AOAH: variants seen among roughly 807,000 people sequenced by gnomAD.
The protein encoded by AOAH is acyloxyacyl hydrolase.
In AOAH, 64 loss-of-function variants were observed where a neutral mutation model predicts 92.2. The observed-to-expected ratio is 0.69, with a 90% confidence interval of 0.57 to 0.86. The LOEUF is 0.86. AOAH is among the 40% of genes least tolerant of loss of function. The pLI is 0.00. For missense variants in AOAH, 656 were observed against 694.6 expected (o/e 0.94, Z 0.62); for synonymous variants, 263 against 254.5 (o/e 1.03, Z -0.32).
intron 11 of AOAH, among the ~76,000 whole-genome samples, chr7:36,608,957 T>TAACA (rs375602487): frequency 1.6e-3 from 249 of 151,560 alleles, no homozygotes; most frequent in African/African-American, 5.8e-3. Flanking sequence ...AGAAGTTTCC[T>TAACA]AACAGGGATG....
At position 36,556,594 on chromosome 7, in the gene AOAH, T is replaced by C. The variant is rs866324411; in HGVS notation, c.1022-7119A>G. 3.8e-3 allele frequency among the ~76,000 whole-genome samples: 565 copies of C among 149,144 alleles called. 5 individuals carry two copies. The highest frequency in any genetic ancestry group is 0.028 in the Middle Eastern group (8 of 286). On this transcript the variant is annotated intron_variant, in intron 13 of 20. Coordinates refer to ENST00000617537, the MANE Select transcript of AOAH (RefSeq NM_001637.4). ...ATGTTGACAGTGGGGTGTTAAAGTC[T>C]CCCATTATTATTGTGTGGGAGTCTA...
intron 11 of AOAH, among the ~76,000 whole-genome samples, chr7:36,599,038 G>A (rs1288653382): frequency 1.3e-5 from 2 of 152,164 alleles, no homozygotes; most frequent in East Asian, 3.9e-4. Context: ...CCTAGTGAGT[G>A]TTAGATCACT....
chr7:36,648,833 G>C (rs1794401393), intron 4 of AOAH, among the ~76,000 whole-genome samples: 1 of 151,952 alleles, frequency 6.6e-6, no homozygotes, highest in South Asian at 2.1e-4. Context: ...GATATATTTT[G>C]CTCCATTTTA....
chr7:36,606,863 G>T (rs913236501), intron 11 of AOAH, among the ~76,000 whole-genome samples: 3 of 152,156 alleles, frequency 2.0e-5, no homozygotes, highest in African/African-American at 7.2e-5. Flanking sequence ...TGAGAAGGTC[G>T]ATTTGAACCT....
intron 6 of AOAH, among the ~76,000 whole-genome samples, chr7:36,624,953 CT>C (rs1792539461): frequency 6.6e-6 from 1 of 152,158 alleles, no homozygotes; most frequent in South Asian, 2.1e-4. Context: ...CTTTTTAGCA[CT>C]TTTTAAACTG....
intron 13 of AOAH, among the ~76,000 whole-genome samples, chr7:36,552,459 G>T (rs1041209145): frequency 1.3e-5 from 2 of 152,136 alleles, no homozygotes; most frequent in African/African-American, 4.8e-5. Context: ...GTGCTGCAAT[G>T]AACATACACA....
intron 13 of AOAH, among the ~76,000 whole-genome samples, chr7:36,563,006 G>T (rs540154465): frequency 1.1e-4 from 17 of 151,848 alleles, no homozygotes; most frequent in South Asian, 4.2e-4. Flanking sequence ...AATTAGCCAG[G>T]CGTGGTGGCA....
chr7:36,633,941 ACAAATCTGCCTCCAGACATTGC>A (rs748714633), intron 5 of AOAH, among the ~76,000 whole-genome samples: 4 of 152,256 alleles, frequency 2.6e-5, no homozygotes, highest in South Asian at 2.1e-4. Context: ...TGCCCGCCGC[ACAAATCTGCCTCCAGACATTGC>A]CAAATCTGCC....
rs762896307 is a variant in AOAH, at chr7:36,532,215, G to A, written c.1366-9C>T. The A allele has an allele frequency of 2.1e-5, 34 of 1,614,062 alleles. No homozygotes were observed. The highest frequency in any genetic ancestry group is 2.7e-5 in the African/African-American group (2 of 74,924). The stretch of plus-strand genomic sequence containing the variant: ...CCGTGGCAGGGGCTGACCTGAGAGC[G>A]GGAAAACACTTTTGATTACAGAGGA... On this transcript the variant is annotated splice_polypyrimidine_tract_variant and intron_variant, in intron 17 of 20. Coordinates refer to ENST00000617537, the MANE Select transcript of AOAH (RefSeq NM_001637.4).
At chr7:36,532,249 G>C in intron 17 of AOAH, 37 bp downstream of exon 17, 1 of 1,614,188 alleles carries the variant, frequency 6.2e-7, no homozygotes, top group Non-Finnish European at 8.5e-7. Context: ...GATCAGGGTA[G>C]GTAAGCGGGC....
chr7:36,586,538 T>G (rs150200001), intron 12 of AOAH, among the ~76,000 whole-genome samples: 4 of 152,214 alleles, frequency 2.6e-5, no homozygotes. Context: ...CAATCTTCTC[T>G]GCCCAGATCT....
chr7:36,559,316 T>C (rs1429132331), intron 13 of AOAH, among the ~76,000 whole-genome samples: 1 of 152,198 alleles, frequency 6.6e-6, no homozygotes, highest in Non-Finnish European at 1.5e-5. Context: ...CTTTGAGAAA[T>C]CTCCAAACTG....
intron 13 of AOAH, among the ~76,000 whole-genome samples, chr7:36,559,999 C>T (rs1274835104): frequency 6.6e-6 from 1 of 152,174 alleles, no homozygotes; most frequent in Non-Finnish European, 1.5e-5. Flanking sequence ...AGTCCTTTCC[C>T]TATTGCCAAT....
chr7:36,541,877 T>C (rs1785448468), intron 15 of AOAH, among the ~76,000 whole-genome samples: 1 of 152,218 alleles, frequency 6.6e-6, no homozygotes, highest in Non-Finnish European at 1.5e-5. Context: ...GGGAGTAGAA[T>C]ACAGAATTTT....
chr7:36,688,847 G>A (rs1414835536), intron 1 of AOAH, among the ~76,000 whole-genome samples: 1 of 151,564 alleles, frequency 6.6e-6, no homozygotes, highest in East Asian at 1.9e-4. Context: ...ATATATATGT[G>A]TATATGTATA....
At chr7:36,640,445 T>A (rs1444721448) in intron 4 of AOAH, among the ~76,000 whole-genome samples, 1 of 151,724 alleles carries the variant, frequency 6.6e-6, no homozygotes, top group African/African-American at 2.4e-5. Flanking sequence ...ACATGGGGAG[T>A]GAGGGAAGGG....
intron 2 of AOAH, among the ~76,000 whole-genome samples, chr7:36,679,039 T>C (rs1796477908): frequency 6.6e-6 from 1 of 152,086 alleles, no homozygotes. Flanking sequence ...AAAAAGAAAA[T>C]GTGGCTATTC....
At chr7:36,672,170 A>G (rs554295672) in intron 3 of AOAH, among the ~76,000 whole-genome samples, 9 of 152,284 alleles carry the variant, frequency 5.9e-5, no homozygotes, top group Non-Finnish European at 1.2e-4. Flanking sequence ...CGAGATCGCT[A>G]TTAAGAGAGG....
chr7:36,615,130 G>T (rs2115946670), intron 11 of AOAH, among the ~76,000 whole-genome samples: 1 of 152,282 alleles, frequency 6.6e-6, no homozygotes, highest in Middle Eastern at 3.4e-3. Context: ...CTGGGCAGCT[G>T]AAAGCACCCT....
Sources: allele counts gnomAD v4.1 joint callset (sites outside exome capture counted in the v4.1 genomes callset), GRCh38; gene constraint gnomAD v4.1.1; transcripts MANE v1.5; gene names NCBI Gene and HGNC (gene_info 2026-07-23, HGNC 2026-07-21).